The following CDYL variants were observed in gnomAD, a reference collection of about 807,000 sequenced individuals.
CDYL encodes chromodomain Y like.
In CDYL, 8 loss-of-function variants were observed where a neutral mutation model predicts 47.3. That is an observed-to-expected ratio of 0.17 (90% CI 0.10 to 0.31). The LOEUF (loss-of-function observed/expected upper bound fraction) is 0.31. Among genes scored for constraint, CDYL ranks in the 10% least tolerant of loss-of-function variants. The pLI is 1.00. For missense variants in CDYL, 471 were observed against 701.4 expected (o/e 0.67, Z 3.71); for synonymous variants, 266 against 265.0 (o/e 1.00, Z -0.04).
intron 3 of CDYL, among the ~76,000 whole-genome samples, chr6:4,759,569 T>A (rs1377710719): frequency 6.6e-6 from 1 of 151,916 alleles, no homozygotes; most frequent in Middle Eastern, 3.2e-3. Context: ...AAAGAGCCCA[T>A]TGATCTTCTC....
At chr6:4,917,591 A>T (rs1284319140) in intron 2 of CDYL, among the ~76,000 whole-genome samples, 4 of 152,248 alleles carry the variant, frequency 2.6e-5, no homozygotes. Flanking sequence ...TCTCCGATTT[A>T]CAGATGAAGT....
chr6:4,783,221 T>C (rs1758663411), intron 1 of CDYL, among the ~76,000 whole-genome samples: 1 of 151,810 alleles, frequency 6.6e-6, no homozygotes, highest in Non-Finnish European at 1.5e-5. Context: ...ATTTCTTTAG[T>C]GAGGGACTAT....
At chr6:4,866,693 C>A (rs1376370754) in intron 1 of CDYL, among the ~76,000 whole-genome samples, 1 of 152,052 alleles carries the variant, frequency 6.6e-6, no homozygotes, top group East Asian at 1.9e-4. Context: ...ACAGTGAGGA[C>A]TTACTATATA....
chr6:4,941,602 A>G (rs1758361736), intron 4 of CDYL, among the ~76,000 whole-genome samples: 2 of 152,212 alleles, frequency 1.3e-5, no homozygotes, highest in Admixed American at 1.3e-4. Flanking sequence ...TAAAAATAAA[A>G]TTTCAGTTCC....
At chr6:4,879,752 G>T (rs1334194509) in intron 1 of CDYL, among the ~76,000 whole-genome samples, 4 of 151,850 alleles carry the variant, frequency 2.6e-5, no homozygotes, top group Non-Finnish European at 5.9e-5. Flanking sequence ...TAGAGGTGGG[G>T]TTTCACCATG....
intron 5 of CDYL, among the ~76,000 whole-genome samples, chr6:4,950,771 T>C (rs1758675567): frequency 6.6e-6 from 1 of 151,216 alleles, no homozygotes; most frequent in Admixed American, 6.6e-5. Flanking sequence ...TACCAAAAAA[T>C]ACAAAAAAAA....
In CDYL at chr6:4,807,504, T is replaced by A. The variant is rs367938739; in HGVS notation, c.24+30697T>A. The stretch of plus-strand genomic sequence containing the variant: ...TGTGGTGCTTACCTAATGGTGATTG[T>A]CTGTTCCTTTGTTTCTTCCACATTT... On this transcript the variant is annotated intron_variant, in intron 1 of 6. Coordinates refer to ENST00000397588, the MANE Select transcript of CDYL (RefSeq NM_004824.4). 3.3e-5 allele frequency among the ~76,000 whole-genome samples: 5 copies of A among 151,984 alleles called. No homozygotes were observed. In the South Asian group the frequency reaches 6.2e-4, roughly 19 times the overall value.
chr6:4,906,729 T>C (rs1757248551), intron 2 of CDYL, among the ~76,000 whole-genome samples: 1 of 152,218 alleles, frequency 6.6e-6, no homozygotes, highest in Admixed American at 6.5e-5. Flanking sequence ...CACAGCTTTA[T>C]AACAGCAAAC....
chr6:4,809,577 A>G (rs1759466511), intron 1 of CDYL, among the ~76,000 whole-genome samples: 1 of 148,940 alleles, frequency 6.7e-6, no homozygotes, highest in African/African-American at 2.6e-5. Context: ...TAGTAGGGGT[A>G]TTATATTAGT....
At chr6:4,720,182 A>C (rs1280690174) in intron 2 of CDYL, among the ~76,000 whole-genome samples, 2 of 152,226 alleles carry the variant, frequency 1.3e-5, no homozygotes, top group African/African-American at 2.4e-5. Context: ...AAAACTTGTA[A>C]ACATTGAGTC....
intron 1 of CDYL, among the ~76,000 whole-genome samples, chr6:4,853,922 C>T (rs1395742079): frequency 6.6e-6 from 1 of 152,246 alleles, no homozygotes; most frequent in African/African-American, 2.4e-5. Flanking sequence ...TCTTGGGATC[C>T]TCCTCCCACT....
chr6:4,904,237 G>A (rs530637198), intron 2 of CDYL, among the ~76,000 whole-genome samples: 2 of 152,284 alleles, frequency 1.3e-5, no homozygotes, highest in African/African-American at 2.4e-5. Context: ...CCTGCTTCTC[G>A]TGGAGTGATG....
intron 1 of CDYL, among the ~76,000 whole-genome samples, chr6:4,793,257 G>A (rs900202075): frequency 2.6e-5 from 4 of 152,168 alleles, no homozygotes; most frequent in Non-Finnish European, 4.4e-5. Context: ...ATATAGCAGC[G>A]GGCATGACCG....
chr6:4,876,072 T>C (rs1761613243), intron 1 of CDYL, among the ~76,000 whole-genome samples: 1 of 152,222 alleles, frequency 6.6e-6, no homozygotes, highest in Non-Finnish European at 1.5e-5. Flanking sequence ...GCTGGAAAGC[T>C]GTCAGTCACC....
intron 4 of CDYL, among the ~76,000 whole-genome samples, chr6:4,943,323 G>T (rs1758415758): frequency 6.6e-6 from 1 of 152,174 alleles, no homozygotes; most frequent in Non-Finnish European, 1.5e-5. Flanking sequence ...AGGGCCTGTA[G>T]TGACAGCCAC....
chr6:4,768,126 T>G (rs1758283645), intron 3 of CDYL, among the ~76,000 whole-genome samples: 1 of 152,214 alleles, frequency 6.6e-6, no homozygotes, highest in African/African-American at 2.4e-5. Flanking sequence ...AACTTCCACA[T>G]CTAGGCCTTT....
At chr6:4,758,865 T>C (rs916301629) in intron 3 of CDYL, among the ~76,000 whole-genome samples, 2 of 152,024 alleles carry the variant, frequency 1.3e-5, no homozygotes, top group Non-Finnish European at 2.9e-5. Flanking sequence ...TTCTTTAAAA[T>C]ATGTAATATA....
intron 2 of CDYL, among the ~76,000 whole-genome samples, chr6:4,726,214 G>T (rs1582285979): frequency 6.6e-6 from 1 of 152,140 alleles, no homozygotes; most frequent in South Asian, 2.1e-4. Flanking sequence ...TTCAAGACCA[G>T]CCTGGGCAAC....
At chr6:4,799,754 T>C (rs918672398) in intron 1 of CDYL, among the ~76,000 whole-genome samples, 4 of 152,360 alleles carry the variant, frequency 2.6e-5, no homozygotes, top group African/African-American at 9.6e-5. Flanking sequence ...CTCTCATCTC[T>C]TTGTTTTATT....
Sources: allele counts gnomAD v4.1 joint callset (sites outside exome capture counted in the v4.1 genomes callset), GRCh38; gene constraint gnomAD v4.1.1; transcripts MANE v1.5; gene names NCBI Gene and HGNC (gene_info 2026-07-23, HGNC 2026-07-21).